CCDC88A: variants seen among roughly 807,000 people sequenced by gnomAD.
CCDC88A encodes the protein coiled-coil and HOOK domain protein 88A.
In CCDC88A, 54 loss-of-function variants were observed where a neutral mutation model predicts 234.3. The observed-to-expected ratio is 0.23, with a 90% CI of 0.19 to 0.29. The LOEUF (loss-of-function observed/expected upper bound fraction) is 0.29. Among genes scored for constraint, CCDC88A ranks in the 10% least tolerant of loss-of-function variants. The pLI, the probability that CCDC88A is intolerant of heterozygous loss-of-function variation, is 1.00. For missense variants in CCDC88A, 1,832 were observed against 2,123.4 expected (o/e 0.86, Z 2.70); for synonymous variants, 753 against 737.8 (o/e 1.02, Z -0.33).
intron 26 of CCDC88A, 78 bp from the exon 27 acceptor site, chr2:55,302,150 G>T: frequency 8.6e-7 from 1 of 1,165,980 alleles, no homozygotes; most frequent in Non-Finnish European, 1.2e-6. Context: ...TACAAATACT[G>T]TGGTTTTTGT....
chr2:55,342,782 G>A (rs1178479263), intron 12 of CCDC88A, among the ~76,000 whole-genome samples: 1 of 152,070 alleles, frequency 6.6e-6, no homozygotes, highest in Non-Finnish European at 1.5e-5. Context: ...GTAAGCACTG[G>A]ATTATAAAAT....
At chr2:55,319,689 A>G (rs1314570996) in intron 18 of CCDC88A, among the ~76,000 whole-genome samples, 1 of 152,164 alleles carries the variant, frequency 6.6e-6, no homozygotes, top group East Asian at 1.9e-4. Flanking sequence ...ACATAAGGCC[A>G]TATTTCAATT....
chr2:55,343,959 ACTGATTAAGTGT>A, intron 11 of CCDC88A, 167 bp from the exon 12 acceptor site: 1 of 523,872 alleles, frequency 1.9e-6, no homozygotes, highest in South Asian at 3.8e-5. Context: ...CGGTCATTAT[ACTGATTAAGTGT>A]CTGACATCCT....
intron 7 of CCDC88A, 194 bp from the exon 8 acceptor site, chr2:55,355,945 G>A (rs903187367): frequency 2.6e-5 from 11 of 422,686 alleles, no homozygotes; most frequent in Middle Eastern, 6.1e-4. Flanking sequence ...CTTAGCAAAT[G>A]ACACTTAACA....
Position 55,381,269 on chromosome 2 carries a change from T to C in CCDC88A, c.274-6386A>G, listed in dbSNP as rs572312765. 6.6e-5 allele frequency among the ~76,000 whole-genome samples: 10 copies of C among 152,298 alleles called. No homozygotes were observed. The South Asian group carries it at 1.7e-3, about 25-fold the overall frequency. On this transcript the variant is annotated intron_variant, in intron 3 of 32. Transcript: ENST00000436346. ...GCCTAATGACACATTTTTCAGAACA[T>C]ATATTTGTTGTTAAGGTACACAAGA...
chr2:55,395,872 G>A (rs760195708), intron 2 of CCDC88A, among the ~76,000 whole-genome samples: 6 of 152,186 alleles, frequency 3.9e-5, no homozygotes, highest in African/African-American at 1.4e-4. Context: ...CAAGGCAAAT[G>A]AGAGTTTAAA....
rs779622234 is a variant in CCDC88A, at chr2:55,343,661, A to G, written c.1320T>C (p.Ser440=). The change falls in exon 12 of 33, where the codon AGT becomes AGC. Residue 440 remains serine, a synonymous_variant. Coordinates refer to ENST00000436346, the MANE Select transcript of CCDC88A (RefSeq NM_001365480.1). ...AATTGGGAATACCTTCGGAAAGTTC[A>G]CTAGTTCTGGATATCTGTTCCAGTT... ...GWELEQISRT[S]ELSEAPQKSL... is the part of the protein sequence containing the mutation. The G allele has an allele frequency of 1.9e-6, 3 of 1,602,400 alleles. No individual in the cohort carries two copies. Among genetic ancestry groups the G allele is most frequent in the Non-Finnish European group, 2.6e-6 (3 of 1,176,042 alleles).
At chr2:55,395,825 C>T (rs976055022) in intron 2 of CCDC88A, among the ~76,000 whole-genome samples, 1 of 152,096 alleles carries the variant, frequency 6.6e-6, no homozygotes, top group African/African-American at 2.4e-5. Flanking sequence ...CTGATTTATG[C>T]TTATTGCAAG....
intron 31 of CCDC88A, chr2:55,294,800 TG>T: frequency 9.9e-7 from 1 of 1,007,848 alleles, no homozygotes; most frequent in Non-Finnish European, 1.2e-6. Flanking sequence ...CAACAAAAAA[TG>T]TGAAGGAGGA....
intron 23 of CCDC88A, among the ~76,000 whole-genome samples, chr2:55,311,375 C>T (rs1434560357): frequency 1.3e-5 from 2 of 152,152 alleles, no homozygotes; most frequent in African/African-American, 4.8e-5. Flanking sequence ...AAATAATGTT[C>T]CCTGCCTGAA....
Position 55,332,775 on chromosome 2 carries a change from A to C in CCDC88A, c.2728-82T>G. 1.7e-6 allele frequency: 2 copies of C among 1,177,116 alleles called. No individual in the cohort carries two copies. The highest frequency in any genetic ancestry group is 2.5e-6 in the Non-Finnish European group (2 of 808,926). 72.9% of individuals were successfully genotyped at this position (1,177,116 alleles called of 1,614,324 possible). A position where few individuals can be genotyped will look rare whatever the true frequency, so the allele number is the denominator to read the frequency against. On this transcript the variant is annotated intron_variant, in intron 15 of 32. Transcript: ENST00000436346. The surrounding 1 kb of genome is among the most constrained non-coding windows in gnomAD (Gnocchi z 4.5). ...AAAGTCAGCTAAGATTCTAATTACC[A>C]CCATCTAGGAATACATGTAATTTGA...
rs573329139 is a variant in CCDC88A, at chr2:55,336,922, T to C, written c.1519-104A>G. The C allele has an allele frequency of 2.9e-4, 191 of 649,690 alleles. 1 individual carries two copies. The highest frequency in any genetic ancestry group is 1.7e-5 in the Non-Finnish European group (7 of 401,320). 40.2% of individuals were successfully genotyped at this position (649,690 alleles called of 1,614,324 possible). Reference sequence around the variant, plus strand: ...TGAATAAAGGATAAAATAGTGTTAATATCCAAATGCTAAAATTTAAGAAAT... The same window carrying C: ...TGAATAAAGGATAAAATAGTGTTAACATCCAAATGCTAAAATTTAAGAAAT... On this transcript the variant is annotated intron_variant, in intron 13 of 32. Transcript: ENST00000436346.
At chr2:55,350,928 C>A (rs189113253) in intron 8 of CCDC88A, among the ~76,000 whole-genome samples, 11 of 152,156 alleles carry the variant, frequency 7.2e-5, no homozygotes, top group African/African-American at 2.2e-4. Flanking sequence ...CTGGGATTAC[C>A]GGCATGAGCC....
At chr2:55,323,615 A>T (rs1411666514) in intron 17 of CCDC88A, 1 of 152,204 alleles carries the variant, frequency 6.6e-6, no homozygotes, top group Non-Finnish European at 1.5e-5. Context: ...TCTATTTTAC[A>T]TGAATTTCCC....
chr2:55,406,338 A>G (rs975447324), intron 2 of CCDC88A, among the ~76,000 whole-genome samples: 1 of 152,182 alleles, frequency 6.6e-6, no homozygotes, highest in African/African-American at 2.4e-5. Context: ...GTTAACTGGG[A>G]TATTACTATA....
In CCDC88A at chr2:55,401,499, CATAT is replaced by C. The variant is rs70954117; in HGVS notation, c.165-12617_165-12614del. On this transcript the variant is annotated intron_variant, in intron 2 of 32. Transcript: ENST00000436346. Reference sequence around the variant, plus strand: ...GTGTGTATGTATGTGTGTGTGTATACATATATATATATATATATATATATATATA... The same window carrying C: ...GTGTGTATGTATGTGTGTGTGTATACATATATATATATATATATATATATA... 2.5e-3 allele frequency among the ~76,000 whole-genome samples: 139 copies of C among 54,606 alleles called. 4 individuals carry two copies. Among genetic ancestry groups the C allele is most frequent in the Middle Eastern group, 0.016 (2 of 126 alleles). The allele number at this position is 54,606 out of a possible 152,430, so 35.8% of individuals were successfully genotyped here.
chr2:55,416,981 A>C (rs1681600894), intron 2 of CCDC88A: 1 of 152,000 alleles, frequency 6.6e-6, no homozygotes, highest in African/African-American at 2.4e-5. Flanking sequence ...AAAAAATCTA[A>C]AGAAACTGAG....
intron 3 of CCDC88A, among the ~76,000 whole-genome samples, chr2:55,375,469 C>CTATA (rs869279076): frequency 4.3e-3 from 114 of 26,434 alleles, no homozygotes; most frequent in South Asian, 0.019. Context: ...TGTCACTGTA[C>CTATA]TATATATATA....
intron 25 of CCDC88A, among the ~76,000 whole-genome samples, chr2:55,303,376 G>A (rs1428162073): frequency 6.6e-6 from 1 of 151,188 alleles, no homozygotes; most frequent in East Asian, 1.9e-4. Flanking sequence ...TGAAGACAAT[G>A]ATGAGGAACA....
Sources: allele counts gnomAD v4.1 joint callset (sites outside exome capture counted in the v4.1 genomes callset), GRCh38; gene constraint gnomAD v4.1.1; non-coding constraint Gnocchi (gnomAD v3.1); transcripts MANE v1.5; gene names NCBI Gene and HGNC (gene_info 2026-07-23, HGNC 2026-07-21).